Variants in FCN2 observed in about 807,000 individuals in gnomAD.
FCN2 encodes ficolin 2.
In FCN2, 31 loss-of-function variants were observed where a neutral mutation model predicts 32.5. The ratio of observed to expected loss-of-function variants is 0.96; its 90% CI spans 0.72 to 1.29. The LOEUF is 1.29. FCN2 is among the 50% of genes most tolerant of loss of function. The pLI, the probability that FCN2 is intolerant of heterozygous loss-of-function variation, is 0.00. For missense variants in FCN2, 412 were observed against 406.5 expected (o/e 1.01, Z -0.12); for synonymous variants, 181 against 164.5 (o/e 1.10, Z -0.77).
At chr9:134,881,152 G>C (rs139886135) in intron 1 of FCN2, among the ~76,000 whole-genome samples, 2 of 152,164 alleles carry the variant, frequency 1.3e-5, no homozygotes, top group Non-Finnish European at 2.9e-5. Context: ...AATGGAAACC[G>C]AGGCAGGTTT....
chr9:134,886,393 G>A (rs79892543), intron 6 of FCN2, 37 bp from the exon 7 acceptor site: 52,601 of 1,613,278 alleles, frequency 0.033, 1,004 homozygotes, highest in African/African-American at 0.07. Context: ...AAGGTAGAGA[G>A]CCCTTCCGCT....
chr9:134,887,099 G>A, intron 7 of FCN2, 69 bp from the exon 8 acceptor site: 2 of 1,590,016 alleles, frequency 1.3e-6, no homozygotes, highest in Non-Finnish European at 1.7e-6. Context: ...CAGGCCTCAG[G>A]TATAAAGACT....
intron 6 of FCN2, 95 bp downstream of exon 6, chr9:134,885,992 G>A (rs1193613084): frequency 1.5e-6 from 2 of 1,326,680 alleles, no homozygotes; most frequent in Non-Finnish European, 2.1e-6. Flanking sequence ...GAGCCTCTTG[G>A]CCCACAGGGG....
upstream of FCN2, among the ~76,000 whole-genome samples, chr9:134,876,660 C>A (rs369904475): frequency 6.6e-6 from 1 of 152,340 alleles, no homozygotes; most frequent in Admixed American, 6.5e-5. Context: ...CTCACTGCAA[C>A]CTCTGCCTCC....
intron 3 of FCN2, among the ~76,000 whole-genome samples, chr9:134,883,635 G>A (rs911579823): frequency 1.6e-5 from 2 of 122,586 alleles, no homozygotes; most frequent in Non-Finnish European, 3.5e-5. Flanking sequence ...GGGGTCATCA[G>A]TGTGGGGGCA....
the FCN2 span, among the ~76,000 whole-genome samples, chr9:134,870,640 G>C: frequency 6.6e-6 from 1 of 152,106 alleles, no homozygotes; most frequent in African/African-American, 2.4e-5. This position sits in a 1 kb window ranked among gnomAD's most constrained non-coding sequence, Gnocchi z 4.3. Context: ...CCGGCCCTGC[G>C]GGGGGACAGC....
chr9:134,883,485 C>G, intron 3 of FCN2, 130 bp downstream of exon 3: 2 of 824,712 alleles, frequency 2.4e-6, no homozygotes, highest in South Asian at 1.4e-5. Flanking sequence ...AGGCAGGGCT[C>G]TTGGGGCTTA....
At chr9:134,872,626 A>G in the FCN2 span, among the ~76,000 whole-genome samples, 9 of 152,164 alleles carry the variant, frequency 5.9e-5, no homozygotes, top group Non-Finnish European at 8.8e-5. Flanking sequence ...GCCGGGCAGC[A>G]GACAAGAGAG....
chr9:134,886,038 C>T, intron 6 of FCN2, 141 bp downstream of exon 6: 1 of 876,336 alleles, frequency 1.1e-6, no homozygotes, highest in African/African-American at 1.7e-5. Context: ...GGCACTGGGA[C>T]CTCCGAGGGC....
At chr9:134,881,873 C>T (rs1830669047) in intron 1 of FCN2, among the ~76,000 whole-genome samples, 1 of 152,114 alleles carries the variant, frequency 6.6e-6, no homozygotes, top group South Asian at 2.1e-4. Context: ...TTGTAACACA[C>T]TCACTTGAAT....
Position 134,886,458 on chromosome 9 carries a change from G to A in FCN2, c.588G>A (p.Val196=), listed in dbSNP as rs1367235181. ...CCAGCGAGCTCCGTGTAGACCTGGT[G>A]GACTTTGAGGACAACTACCAGTTTG... ...QGTSELRVDL[V]DFEDNYQFAK... Residue 196 remains valine (V), a synonymous_variant, in exon 7 of 8, where the codon GTG becomes GTA. Coordinates refer to ENST00000291744, the MANE Select transcript of FCN2 (RefSeq NM_004108.3). 6.2e-7 allele frequency: 1 copy of A among 1,612,164 alleles called. No individual in the cohort carries two copies. The highest frequency in any genetic ancestry group is 2.2e-5 in the East Asian group (1 of 44,758).
the FCN2 span, among the ~76,000 whole-genome samples, chr9:134,872,701 C>T: frequency 4.6e-5 from 7 of 152,086 alleles, no homozygotes; most frequent in Non-Finnish European, 1.0e-4. Flanking sequence ...TTCACCATCA[C>T]GAGAACAGCA....
chr9:134,883,012 G>T (rs1402899671), intron 2 of FCN2, among the ~76,000 whole-genome samples: 3 of 152,170 alleles, frequency 2.0e-5, no homozygotes, highest in African/African-American at 7.2e-5. Flanking sequence ...AGAGAGTCCA[G>T]GGATTTCGCT....
chr9:134,864,976 G>C, the FCN2 span, among the ~76,000 whole-genome samples: 1 of 152,060 alleles, frequency 6.6e-6, no homozygotes, highest in Non-Finnish European at 1.5e-5. Context: ...AAGGGCCGTC[G>C]TGAGAGTCCC....
upstream of FCN2, among the ~76,000 whole-genome samples, chr9:134,877,289 C>T (rs914323976): frequency 6.6e-6 from 1 of 152,156 alleles, no homozygotes; most frequent in Non-Finnish European, 1.5e-5. Context: ...AATTTGCCTC[C>T]CAAGGAGTGC....
chr9:134,872,162 C>G, the FCN2 span, among the ~76,000 whole-genome samples: 2 of 151,900 alleles, frequency 1.3e-5, no homozygotes, highest in Non-Finnish European at 2.9e-5. Flanking sequence ...GGATGGACCA[C>G]AGCTGTGTAT....
At chr9:134,872,244 G>A in the FCN2 span, among the ~76,000 whole-genome samples, 140 of 152,198 alleles carry the variant, frequency 9.2e-4, no homozygotes, top group African/African-American at 1.8e-3. Flanking sequence ...GTCGTACCCC[G>A]TGGATGGATG....
chr9:134,879,738 G>A (rs1350688437), upstream of FCN2, among the ~76,000 whole-genome samples: 1 of 152,194 alleles, frequency 6.6e-6, no homozygotes, highest in Admixed American at 6.5e-5. Context: ...AATCCGATGG[G>A]ATTTTGTTTC....
the FCN2 span, among the ~76,000 whole-genome samples, chr9:134,872,072 G>A: frequency 3.9e-5 from 6 of 152,112 alleles, no homozygotes; most frequent in South Asian, 2.1e-4. Flanking sequence ...TCCTCCCCCC[G>A]GCAGACCTAT....
Sources: gnomAD v4.1 joint callset for allele counts (sites outside exome capture counted in the v4.1 genomes callset) on GRCh38, gnomAD v4.1.1 for gene constraint, Gnocchi (gnomAD v3.1) non-coding constraint, MANE v1.5 for transcripts, NCBI Gene and HGNC (gene_info 2026-07-23, HGNC 2026-07-21) for gene names.